Variants in WDR27 observed in about 807,000 individuals in gnomAD.
WDR27 encodes WD repeat domain 27, also known as WD repeat-containing protein 27.
In WDR27, 100 loss-of-function variants were observed where a neutral mutation model predicts 114.4. The ratio of observed to expected loss-of-function variants is 0.87; its 90% CI spans 0.74 to 1.03. The LOEUF is 1.03. Among genes scored for constraint, WDR27 ranks in the 50% least tolerant of loss-of-function variants. The pLI is 0.00. For missense variants in WDR27, 1,129 were observed against 1,092.9 expected, an observed-to-expected ratio of 1.03 and a Z score of -0.47; for synonymous variants, 449 against 423.1, an observed-to-expected ratio of 1.06 and a Z score of -0.75.
rs528974456 is a variant in WDR27 at position 169,562,825 on chromosome 6, GA to G, written c.2645+9593del. On this transcript the variant is annotated intron_variant, in intron 25 of 25. Coordinates refer to ENST00000448612, the MANE Select transcript of WDR27 (RefSeq NM_182552.5). ...AGGAACAGCGAGGGGTGAGGAGGCC[GA>G]TGAGATAGAGGATGAGCTTGCAGGA... Among the ~76,000 whole-genome samples, 318 of 152,106 alleles carry G rather than the reference GA, an allele frequency of 2.1e-3. 1 individual carries two copies. Among genetic ancestry groups the G allele is most frequent in the Admixed American group, 4.9e-3 (75 of 15,284 alleles).
chr6:169,623,257 C>T (rs1813801185), intron 21 of WDR27, among the ~76,000 whole-genome samples: 1 of 152,158 alleles, frequency 6.6e-6, no homozygotes, highest in African/African-American at 2.4e-5. Flanking sequence ...ATGATTTCAC[C>T]TCTGACCTGA....
At chr6:169,549,322 G>A (rs191297941) in intron 25 of WDR27, among the ~76,000 whole-genome samples, 1 of 152,288 alleles carries the variant, frequency 6.6e-6, no homozygotes, top group East Asian at 1.9e-4. Context: ...ACAACAATGA[G>A]ATTATTTGCA....
At chr6:169,487,174 T>G (rs1435463459) in intron 25 of WDR27, among the ~76,000 whole-genome samples, 1 of 152,136 alleles carries the variant, frequency 6.6e-6, no homozygotes, top group East Asian at 1.9e-4. Context: ...CTTCGGAGGG[T>G]TCATGTGAGG....
the WDR27 span, among the ~76,000 whole-genome samples, chr6:169,451,746 G>A: frequency 6.6e-6 from 1 of 152,090 alleles, no homozygotes; most frequent in Non-Finnish European, 1.5e-5. Flanking sequence ...GAGACATCTC[G>A]TTTTGGTTTT....
At chr6:169,545,861 A>G (rs1463765241) in intron 25 of WDR27, among the ~76,000 whole-genome samples, 4 of 152,196 alleles carry the variant, frequency 2.6e-5, no homozygotes, top group Non-Finnish European at 5.9e-5. Context: ...TAGTAATTAT[A>G]TATACATACA....
rs1826679670 is a variant in WDR27 at position 169,662,849 on chromosome 6, G to A, written c.905-425C>T. Among the ~76,000 whole-genome samples, 3 of 139,528 alleles carry A rather than the reference G, an allele frequency of 2.2e-5. No individual in the cohort carries two copies. In the South Asian group the frequency reaches 7.1e-4, roughly 33 times the overall value. 91.5% of individuals were successfully genotyped at this position (139,528 alleles called of 152,430 possible). On this transcript the variant is annotated intron_variant, in intron 8 of 25. Coordinates refer to ENST00000448612, the MANE Select transcript of WDR27 (RefSeq NM_182552.5). ...GCACTAGGGTAACACCCAGCATGAC[G>A]CGTGTGCACCGCGGAGTACTCAGAT...
At chr6:169,452,503 AGAGGAGCCGTGCGTGGGGTCAG>A (rs1562434200), downstream of WDR27, among the ~76,000 whole-genome samples, 24 of 20,310 alleles carry the variant, frequency 1.2e-3, no homozygotes, top group African/African-American at 2.4e-3. Flanking sequence ...GTGGGGTCAG[AGAGGAGCCGTGCGTGGGGTCAG>A]AGAGGAGCCG....
rs200057779 is a variant in WDR27 at position 169,670,662 on chromosome 6, C to T, written c.363G>A (p.Ser121=). 2.9e-5 allele frequency: 46 copies of T among 1,613,950 alleles called. No homozygotes were observed. The East Asian group carries it at 5.8e-4, about 20-fold the overall frequency. The stretch of plus-strand genomic sequence containing the variant: ...GTAAACACAGCACCTTTCCCAAAAG[C>T]GAGCCCATGACAGTCCCTCGAGGGA... ...GLVPRGTVMG[S]LLGKVLCLQL... Residue 121 remains serine (S), a synonymous_variant, in exon 4 of 26, where the codon TCG becomes TCA. Coordinates refer to ENST00000448612, the MANE Select transcript of WDR27 (RefSeq NM_182552.5).
chr6:169,552,517 A>C (rs771098154), intron 25 of WDR27, among the ~76,000 whole-genome samples: 11 of 152,158 alleles, frequency 7.2e-5, no homozygotes, highest in Admixed American at 1.3e-4. Context: ...AACTTTCTTG[A>C]ATTAATTTAA....
chr6:169,672,377 T>C lies in WDR27; in HGVS notation c.209A>G (p.His70Arg), dbSNP rs1562895342. The part of the protein sequence containing the change: ...PSHQLLILRG[H>R]HQPITAMAFG... Reference sequence around the variant, plus strand: ...AGCCATAGCAGTAATTGGCTGATGGTGTCCTCGTAGGATTAGAAGCTGGGA... The same window carrying C: ...AGCCATAGCAGTAATTGGCTGATGGCGTCCTCGTAGGATTAGAAGCTGGGA... Residue 70 changes from histidine to arginine, a missense_variant, in exon 3 of 26, where the codon CAC (histidine) becomes CGC (arginine). Coordinates refer to ENST00000448612, the MANE Select transcript of WDR27 (RefSeq NM_182552.5). 6.2e-7 allele frequency: 1 copy of C among 1,607,904 alleles called. No individual in the cohort carries two copies. Among genetic ancestry groups the C allele is most frequent in the South Asian group, 1.1e-5 (1 of 89,920 alleles).
At chr6:169,603,975 GTT>G (rs1323008905) in intron 22 of WDR27, among the ~76,000 whole-genome samples, 1 of 152,164 alleles carries the variant, frequency 6.6e-6, no homozygotes, top group Non-Finnish European at 1.5e-5. Context: ...CAAGAGGAAA[GTT>G]TATACCATCA....
At chr6:169,679,698 A>G (rs1781006019) in intron 2 of WDR27, among the ~76,000 whole-genome samples, 1 of 152,198 alleles carries the variant, frequency 6.6e-6, no homozygotes, top group Admixed American at 6.5e-5. Context: ...TGCAGTCCTA[A>G]TTAAAAGCAA....
At chr6:169,463,714 C>T (rs1033597010) in intron 25 of WDR27, among the ~76,000 whole-genome samples, 5 of 152,110 alleles carry the variant, frequency 3.3e-5, no homozygotes, top group African/African-American at 1.2e-4. Context: ...AGTCAACATG[C>T]AAAATCCAGT....
rs74876930 is a variant in WDR27, at chr6:169,540,752, C to T, written c.2645+31667G>A. 1.9e-3 allele frequency among the ~76,000 whole-genome samples: 289 copies of T among 152,132 alleles called. 6 individuals are homozygous for T. In the East Asian group the frequency reaches 0.033, roughly 17 times the overall value. ...GCCTGAATAGAATCTCTTTTTACCC[C>T]GAGATCTTCTCAAAATTTTCTGTCC... On this transcript the variant is annotated intron_variant, in intron 25 of 25. Transcript: ENST00000448612.
chr6:169,514,272 A>C (rs939870690), intron 25 of WDR27, among the ~76,000 whole-genome samples: 4 of 151,418 alleles, frequency 2.6e-5, no homozygotes. Context: ...AGTATACATA[A>C]ATTATTATAA....
At chr6:169,616,066 G>T (rs906800346) in intron 21 of WDR27, among the ~76,000 whole-genome samples, 1 of 151,088 alleles carries the variant, frequency 6.6e-6, no homozygotes, top group Non-Finnish European at 1.5e-5. Context: ...GGTAAAGAAA[G>T]CCTCATTAGA....
chr6:169,667,257 A>G lies in WDR27; in HGVS notation c.661-70T>C, dbSNP rs559685098. On this transcript the variant is annotated intron_variant, in intron 5 of 25. Transcript: ENST00000448612. ...CATTATTGCAACAGGTGAAGCTAAC[A>G]GTACTATTCACTATCAGATTAGTCA... The G allele has an allele frequency of 1.7e-4, 231 of 1,377,434 alleles. 5 individuals are homozygous for G. The South Asian group carries it at 4.3e-3, about 26-fold the overall frequency. The allele number at this position is 1,377,434 out of a possible 1,614,324, so 85.3% of individuals were successfully genotyped here.
intron 2 of WDR27, among the ~76,000 whole-genome samples, chr6:169,672,713 G>C (rs1268363338): frequency 6.6e-6 from 1 of 152,144 alleles, no homozygotes; most frequent in Non-Finnish European, 1.5e-5. Flanking sequence ...TAACAGCTGA[G>C]CTGAAAACTG....
At chr6:169,446,938 G>A in the WDR27 span, among the ~76,000 whole-genome samples, 5 of 152,154 alleles carry the variant, frequency 3.3e-5, no homozygotes, top group African/African-American at 9.7e-5. Flanking sequence ...CACAAAAATT[G>A]GAAAAGTTGG....
Sources: allele counts gnomAD v4.1 joint callset (sites outside exome capture counted in the v4.1 genomes callset), GRCh38; gene constraint gnomAD v4.1.1; transcripts MANE v1.5; gene names NCBI Gene and HGNC (gene_info 2026-07-23, HGNC 2026-07-21).